The following ZNF749 variants were observed in gnomAD, a reference collection of about 807,000 sequenced individuals.
ZNF749 encodes the protein zinc finger protein 749.
ZNF749 carries 8 observed loss-of-function variants against 7.3 expected under a neutral mutation model. That is an observed-to-expected ratio of 1.10 (90% CI 0.64 to 1.98). ZNF749 has a LOEUF of 1.98. Ranked by LOEUF, ZNF749 falls within the 30% of genes most tolerant of loss-of-function variation. The pLI is 0.00. For missense variants in ZNF749, 898 were observed against 932.4 expected, an observed-to-expected ratio of 0.96 and a Z score of 0.48; for synonymous variants, 310 against 322.4, an observed-to-expected ratio of 0.96 and a Z score of 0.41.
At chr19:57,443,190 C>T (rs1473373210) in intron 2 of ZNF749, 101 bp from the exon 3 acceptor site, 1 of 1,024,430 alleles carries the variant, frequency 9.8e-7, no homozygotes, top group Non-Finnish European at 1.5e-6. Flanking sequence ...GTGACCAGTC[C>T]TGTGCCCTCA....
rs143303278 is a variant in ZNF749 at position 57,442,557 on chromosome 19, C to T, written c.142+546C>T. ...GCCTTTCCCGTAGCTGGACTTATGC[C>T]GCAGCTAGATAGTTGCTCACCTTGA... is the stretch of plus-strand genomic sequence containing the variant. On this transcript the variant is annotated intron_variant, in intron 2 of 2. Transcript: ENST00000334181. The surrounding 1 kb of genome is among the most constrained non-coding windows in gnomAD (Gnocchi z 6.6). Among the ~76,000 whole-genome samples the T allele has an allele frequency of 7.3e-4, 111 of 152,220 alleles. No homozygotes were observed. Among genetic ancestry groups the T allele is most frequent in the African/African-American group, 2.6e-3 (109 of 41,534 alleles).
chr19:57,432,268 C>T (rs902215286), upstream of ZNF749, among the ~76,000 whole-genome samples: 2 of 150,288 alleles, frequency 1.3e-5, no homozygotes, highest in East Asian at 2.0e-4. Context: ...GGCAATGTCA[C>T]GGGAGCCAAT....
At chr19:57,432,455 G>A (rs375418713), upstream of ZNF749, among the ~76,000 whole-genome samples, 4 of 150,984 alleles carry the variant, frequency 2.6e-5, no homozygotes, top group Non-Finnish European at 4.4e-5. Flanking sequence ...CCAGCTACTC[G>A]GGAGGCTGAG....
At chr19:57,430,133 T>G in the ZNF749 span, among the ~76,000 whole-genome samples, 2 of 152,226 alleles carry the variant, frequency 1.3e-5, no homozygotes, top group Non-Finnish European at 2.9e-5. Flanking sequence ...TCTTAGTCTG[T>G]TTTGTGCTTC....
rs1269479416 is a variant in ZNF749, at chr19:57,444,107, A to C, written c.959A>C (p.His320Pro). The C allele has an allele frequency of 3.1e-6, 5 of 1,614,086 alleles. No individual in the cohort carries two copies. The Admixed American group carries it at 5.0e-5, about 16-fold the overall frequency. The change falls in exon 3 of 3, where the codon CAT (histidine) becomes CCT (proline). Residue 320 changes from histidine (H) to proline (P), a missense_variant. His to Pro is a moderately conservative substitution (Grantham distance 77, BLOSUM62 -2). Transcript: ENST00000334181. ...QAHLVGHQKT[H>P]TGEQPYECNK... ...CATCTGGTTGGTCACCAGAAAACCC[A>C]TACTGGAGAACAGCCCTATGAATGC... is the stretch of plus-strand genomic sequence containing the variant.
chr19:57,435,725 G>T, intron 1 of ZNF749, 132 bp downstream of exon 1: 3 of 1,460,808 alleles, frequency 2.1e-6, no homozygotes, highest in East Asian at 5.0e-5. Flanking sequence ...CCGGGACTGG[G>T]ACTGCGGTGC....
the ZNF749 span, among the ~76,000 whole-genome samples, chr19:57,430,185 A>T: frequency 6.6e-6 from 1 of 152,172 alleles, no homozygotes; most frequent in African/African-American, 2.4e-5. Context: ...CAAAGAAGAG[A>T]CATTTATTGG....
chr19:57,435,402 T>C lies in ZNF749; in HGVS notation c.-177T>C. The C allele has an allele frequency of 2.2e-6, 2 of 904,346 alleles. No individual in the cohort carries two copies. The highest frequency in any genetic ancestry group is 3.4e-6 in the Non-Finnish European group (2 of 586,132). The allele number at this position is 904,346 out of a possible 1,614,324, so 56.0% of individuals were successfully genotyped here. A position where few individuals can be genotyped will look rare whatever the true frequency, so the allele number is the denominator to read the frequency against. On this transcript the variant is annotated 5_prime_UTR_variant, in exon 1 of 3. Coordinates refer to ENST00000334181, the MANE Select transcript of ZNF749 (RefSeq NM_001023561.4). Reference sequence around the variant, plus strand: ...TCACTGATTTAGAGGGTCCCAGAGCTCTGGGTCGGGACTGAGGTGAAAGAG... The same window carrying C: ...TCACTGATTTAGAGGGTCCCAGAGCCCTGGGTCGGGACTGAGGTGAAAGAG...
At chr19:57,441,838 A>G in intron 1 of ZNF749, 47 bp from the exon 2 acceptor site, 2 of 1,610,400 alleles carry the variant, frequency 1.2e-6, no homozygotes, top group South Asian at 1.1e-5. Flanking sequence ...CTAAGGAAAC[A>G]CAGAATAAGA....
At chr19:57,441,806 T>C (rs1224096963) in intron 1 of ZNF749, 79 bp from the exon 2 acceptor site, 2 of 1,570,260 alleles carry the variant, frequency 1.3e-6, no homozygotes, top group African/African-American at 1.4e-5. Context: ...AATTCTTAGA[T>C]TTTAAGTAGA....
rs778986774 is a variant in ZNF749 at position 57,444,873 on chromosome 19, G to GA, written c.1729dup (p.Ile577AsnfsTer9). 1.2e-6 allele frequency: 2 copies of GA among 1,614,196 alleles called. No homozygotes were observed. Among genetic ancestry groups the GA allele is most frequent in the South Asian group, 2.2e-5 (2 of 91,078 alleles). On this transcript the variant is annotated frameshift_variant, in exon 3 of 3. Transcript: ENST00000334181. LOFTEE classifies it low-confidence loss of function (END_TRUNC). ...CACAGGCTCATCTAGATGGTCACCA[G>GA]AAAATCCAGACTGGAGAACGGCGTT... is the stretch of plus-strand genomic sequence containing the variant.
chr19:57,443,700 G>A lies in ZNF749; in HGVS notation c.552G>A (p.Gln184=). ...NSGWKLYRDT[Q]DGEAFQGEQN... ...GGTGGAAGCTGTACAGGGATACCCA[G>A]GATGGGGAAGCCTTTCAAGGTGAAC... The change falls in exon 3 of 3, where the codon CAG becomes CAA. Residue 184 remains glutamine, a synonymous_variant. Coordinates refer to ENST00000334181, the MANE Select transcript of ZNF749 (RefSeq NM_001023561.4). 6.2e-7 allele frequency: 1 copy of A among 1,614,084 alleles called. No individual in the cohort carries two copies. The highest frequency in any genetic ancestry group is 8.5e-7 in the Non-Finnish European group (1 of 1,179,946).
rs562343206 is a variant in ZNF749 at position 57,443,875 on chromosome 19, C to A, written c.727C>A (p.Gln243Lys). The A allele has an allele frequency of 1.2e-4, 195 of 1,613,630 alleles. 1 individual carries two copies. In the South Asian group the frequency reaches 2.0e-3, roughly 16 times the overall value. Residue 243 changes from glutamine (Q) to lysine (K), a missense_variant, in exon 3 of 3, where the codon CAG becomes AAG. Coordinates refer to ENST00000334181, the MANE Select transcript of ZNF749 (RefSeq NM_001023561.4). Reference sequence around the variant, plus strand: ...GTACAACTCCAACCTTATTAAATATCAGCAAAATCATGCTGGAGAAAGGCC... The same window carrying A: ...GTACAACTCCAACCTTATTAAATATAAGCAAAATCATGCTGGAGAAAGGCC... Reference protein sequence around the residue: ...FRYNSNLIKYQQNHAGERPYE... With the variant: ...FRYNSNLIKYKQNHAGERPYE...
chr19:57,429,994 C>T, the ZNF749 span, among the ~76,000 whole-genome samples: 1 of 152,018 alleles, frequency 6.6e-6, no homozygotes, highest in Admixed American at 6.6e-5. This position sits in a 1 kb window ranked among gnomAD's most constrained non-coding sequence, Gnocchi z 4.2. Flanking sequence ...CCTTTTTGAC[C>T]TATAGTTTTA....
At position 57,442,604 on chromosome 19, in the gene ZNF749, G is replaced by A. The variant is rs764117027; in HGVS notation, c.142+593G>A. Among the ~76,000 whole-genome samples the A allele has an allele frequency of 2.0e-4, 31 of 152,144 alleles. No homozygotes were observed. Among genetic ancestry groups the A allele is most frequent in the Non-Finnish European group, 8.8e-5 (6 of 68,028 alleles). ...TTGAGCAAGGGGGAGGTCTCTGGGT[G>A]CCTGGCAGAGTGGATAGTCCTCTAT... On this transcript the variant is annotated intron_variant, in intron 2 of 2. Transcript: ENST00000334181. This position sits in a 1 kb window ranked among gnomAD's most constrained non-coding sequence, Gnocchi z 6.6.
chr19:57,444,896 G>C lies in ZNF749; in HGVS notation c.1748G>C (p.Arg583Pro), dbSNP rs148572975. ...GHQKIQTGER[R>P]YECNECGKFF... Reference sequence around the variant, plus strand: ...CAGAAAATCCAGACTGGAGAACGGCGTTATGAATGCAATGAATGTGGGAAA... The same window carrying C: ...CAGAAAATCCAGACTGGAGAACGGCCTTATGAATGCAATGAATGTGGGAAA... Residue 583 changes from arginine to proline, a missense_variant, in exon 3 of 3, where the codon CGT becomes CCT. Transcript: ENST00000334181. 3.7e-6 allele frequency: 6 copies of C among 1,614,158 alleles called. No homozygotes were observed. The highest frequency in any genetic ancestry group is 3.4e-6 in the Non-Finnish European group (4 of 1,180,022).
chr19:57,445,500 G>T lies in ZNF749; in HGVS notation c.*15G>T. The stretch of plus-strand genomic sequence containing the variant: ...AAAGGCCTTAGTGGAGTGAATGCAG[G>T]AAAGTCACCAAAACTGTCACCTCAT... On this transcript the variant is annotated 3_prime_UTR_variant, in exon 3 of 3. Transcript: ENST00000334181. 1.3e-6 allele frequency: 2 copies of T among 1,585,586 alleles called. No homozygotes were observed. The highest frequency in any genetic ancestry group is 1.4e-5 in the African/African-American group (1 of 73,870).
Position 57,445,616 on chromosome 19 carries a change from T to C in ZNF749, c.*131T>C, listed in dbSNP as rs1481692293. The C allele has an allele frequency of 2.1e-6, 3 of 1,433,372 alleles. No homozygotes were observed. The Admixed American group carries it at 8.0e-5, about 38-fold the overall frequency. 88.8% of individuals were successfully genotyped at this position (1,433,372 alleles called of 1,614,324 possible). A position where few individuals can be genotyped will look rare whatever the true frequency, so the allele number is the denominator to read the frequency against. On this transcript the variant is annotated 3_prime_UTR_variant, in exon 3 of 3. Coordinates refer to ENST00000334181, the MANE Select transcript of ZNF749 (RefSeq NM_001023561.4). ...GTTCAGATGGAAATCTGCGAGGATT[T>C]CCTGCTGGGAACTACATTAAAAACA...
chr19:57,443,988 A>G lies in ZNF749; in HGVS notation c.840A>G (p.Ser280=), dbSNP rs764307048. 56 of 1,613,814 alleles carry G rather than the reference A, an allele frequency of 3.5e-5. No homozygotes were observed. In the Admixed American group the frequency reaches 9.2e-4, roughly 26 times the overall value. ...HQKIHSEGFL[S]KRSDPIEHQE... ...AAATTCACAGTGAAGGCTTTCTTTC[A>G]AAAAGGTCTGACCCCATTGAACATC... The change falls in exon 3 of 3, where the codon TCA becomes TCG. Residue 280 remains serine, a synonymous_variant. Transcript: ENST00000334181.
Sources: gnomAD v4.1 joint callset for allele counts (sites outside exome capture counted in the v4.1 genomes callset) on GRCh38, gnomAD v4.1.1 for gene constraint, Gnocchi (gnomAD v3.1) non-coding constraint, MANE v1.5 for transcripts, NCBI Gene and HGNC (gene_info 2026-07-23, HGNC 2026-07-21) for gene names.